Variants in ST18 observed in about 807,000 individuals in gnomAD.
ST18 encodes the protein suppression of tumorigenicity 18 protein.
Under a neutral mutation model 110.0 loss-of-function variants are expected in ST18, and 50 were observed. That is an observed-to-expected ratio of 0.45 (90% CI 0.36 to 0.58). ST18 has a LOEUF of 0.58. Ranked by LOEUF, ST18 falls within the 20% of genes least tolerant of loss-of-function variation. The pLI is 0.00. For synonymous variants in ST18, 461 were observed against 452.4 expected, an observed-to-expected ratio of 1.02 and a Z score of -0.24; for missense variants, 1,306 against 1,280.1, an observed-to-expected ratio of 1.02 and a Z score of -0.31.
At chr8:52,136,896 AC>A (rs912211511) in intron 18 of ST18, among the ~76,000 whole-genome samples, 1 of 151,764 alleles carries the variant, frequency 6.6e-6, no homozygotes, top group East Asian at 1.9e-4. Context: ...GCCCAATGAG[AC>A]CCCCCAACTC....
At chr8:52,174,006 A>T (rs906075305) in intron 9 of ST18, among the ~76,000 whole-genome samples, 3 of 152,190 alleles carry the variant, frequency 2.0e-5, no homozygotes, top group Non-Finnish European at 2.9e-5. Flanking sequence ...GACTGCCAGG[A>T]TCAAGTAAAT....
chr8:52,126,696 T>G (rs1041702934), intron 22 of ST18, among the ~76,000 whole-genome samples: 1 of 152,230 alleles, frequency 6.6e-6, no homozygotes, highest in African/African-American at 2.4e-5. Context: ...TTTCTTTAAC[T>G]TTTACAACAT....
intron 2 of ST18, among the ~76,000 whole-genome samples, chr8:52,399,858 G>A (rs1307598588): frequency 6.6e-6 from 1 of 151,986 alleles, no homozygotes; most frequent in Non-Finnish European, 1.5e-5. Flanking sequence ...TGTTCTATGT[G>A]CACTAGAAAA....
rs1240697308 is a variant in ST18 at position 52,186,985 on chromosome 8, CTATACA to C, written c.87-6679_87-6674del. On this transcript the variant is annotated intron_variant, in intron 8 of 25. Coordinates refer to ENST00000689386, the MANE Select transcript of ST18 (RefSeq NM_001352837.2). ...GTTCATCTAGTGGAAACTCACAAGG[CTATACA>C]TACATAAGTTGTGAATTTTTTGGAT... 3.3e-5 allele frequency among the ~76,000 whole-genome samples: 5 copies of C among 151,956 alleles called. No homozygotes were observed. In the East Asian group the frequency reaches 7.7e-4, roughly 24 times the overall value.
intron 2 of ST18, among the ~76,000 whole-genome samples, chr8:52,322,446 G>A (rs1312507419): frequency 6.6e-6 from 1 of 152,188 alleles, no homozygotes; most frequent in Non-Finnish European, 1.5e-5. Context: ...TAGAAATTGT[G>A]ACAATGATAT....
chr8:52,289,751 G>C (rs944397982), intron 2 of ST18, among the ~76,000 whole-genome samples: 3 of 152,104 alleles, frequency 2.0e-5, no homozygotes, highest in Non-Finnish European at 2.9e-5. Flanking sequence ...CATTGCAGGG[G>C]CTCATCAGCT....
At chr8:52,208,540 C>T (rs556801726) in intron 8 of ST18, among the ~76,000 whole-genome samples, 5 of 152,330 alleles carry the variant, frequency 3.3e-5, no homozygotes, top group African/African-American at 1.2e-4. Context: ...TAAGAAGCAA[C>T]TTGGGGCTGG....
intron 8 of ST18, among the ~76,000 whole-genome samples, chr8:52,189,147 C>A (rs919661972): frequency 2.3e-4 from 35 of 152,094 alleles, no homozygotes; most frequent in African/African-American, 8.0e-4. Context: ...AAACAATAAC[C>A]AACATCATCA....
At chr8:52,296,390 G>C (rs901393004) in intron 2 of ST18, 5 of 151,992 alleles carry the variant, frequency 3.3e-5, no homozygotes, top group Non-Finnish European at 7.4e-5. Flanking sequence ...GTATTTTACC[G>C]GCCCTCCTAG....
chr8:52,360,386 T>C (rs939716414), intron 2 of ST18, among the ~76,000 whole-genome samples: 33 of 152,146 alleles, frequency 2.2e-4, no homozygotes, highest in Admixed American at 6.5e-4. Context: ...AAATATACTG[T>C]GAGGTACGCT....
At chr8:52,371,472 G>T (rs1219611851) in intron 2 of ST18, among the ~76,000 whole-genome samples, 1 of 152,116 alleles carries the variant, frequency 6.6e-6, no homozygotes, top group African/African-American at 2.4e-5. Context: ...GTCAAATCAT[G>T]CATATTGTGT....
At chr8:52,178,525 G>A (rs769307679) in intron 9 of ST18, among the ~76,000 whole-genome samples, 1 of 144,716 alleles carries the variant, frequency 6.9e-6, no homozygotes, top group Admixed American at 7.2e-5. Flanking sequence ...GCTGAGGCAG[G>A]AGAATTGCTT....
At chr8:52,308,179 C>G (rs1390356405) in intron 2 of ST18, among the ~76,000 whole-genome samples, 1 of 152,176 alleles carries the variant, frequency 6.6e-6, no homozygotes, top group Non-Finnish European at 1.5e-5. Context: ...CTAGTCTGCT[C>G]TCTTGTACCA....
At chr8:52,286,303 A>G (rs1054966946) in intron 2 of ST18, among the ~76,000 whole-genome samples, 1 of 152,206 alleles carries the variant, frequency 6.6e-6, no homozygotes, top group East Asian at 1.9e-4. Context: ...AAAGCTGGCA[A>G]TATATCTTTT....
chr8:52,387,818 G>A (rs924795916), intron 2 of ST18, among the ~76,000 whole-genome samples: 13 of 152,054 alleles, frequency 8.5e-5, no homozygotes, highest in Non-Finnish European at 1.6e-4. Flanking sequence ...GAAAAGAACT[G>A]GTTTGTGAAC....
At chr8:52,124,823 A>C (rs2046371383) in intron 23 of ST18, among the ~76,000 whole-genome samples, 1 of 151,572 alleles carries the variant, frequency 6.6e-6, no homozygotes, top group East Asian at 1.9e-4. Context: ...GACCGCTTTA[A>C]ATACAGCAGA....
chr8:52,309,091 A>G (rs1387475655), intron 2 of ST18, among the ~76,000 whole-genome samples: 1 of 152,214 alleles, frequency 6.6e-6, no homozygotes, highest in Non-Finnish European at 1.5e-5. Context: ...TAGAGACCTT[A>G]TATAAGGGTC....
At chr8:52,271,006 C>G (rs2095056821) in intron 2 of ST18, among the ~76,000 whole-genome samples, 3 of 151,778 alleles carry the variant, frequency 2.0e-5, no homozygotes, top group Admixed American at 2.0e-4. Flanking sequence ...TCACGCCATT[C>G]TCCTGCCTCA....
chr8:52,245,190 A>G (rs768017031), intron 2 of ST18, among the ~76,000 whole-genome samples: 37 of 152,190 alleles, frequency 2.4e-4, no homozygotes, highest in Non-Finnish European at 4.3e-4. Flanking sequence ...ACAAAAGAGC[A>G]AACAGTGGAC....
Sources: allele counts gnomAD v4.1 joint callset (sites outside exome capture counted in the v4.1 genomes callset), GRCh38; gene constraint gnomAD v4.1.1; transcripts MANE v1.5; gene names NCBI Gene and HGNC (gene_info 2026-07-23, HGNC 2026-07-21).